ATP9B: variants seen among roughly 807,000 people sequenced by gnomAD.
The protein encoded by ATP9B is ATPase phospholipid transporting 9B.
In ATP9B, 110 loss-of-function variants were observed where a neutral mutation model predicts 146.1. The ratio of observed to expected loss-of-function variants is 0.75; its 90% confidence interval spans 0.65 to 0.88. The LOEUF (loss-of-function observed/expected upper bound fraction) is 0.88, where lower values mean the gene tolerates loss of function less well. Among genes scored for constraint, ATP9B ranks in the 40% least tolerant of loss-of-function variants. ATP9B has a pLI of 0.00. For synonymous variants in ATP9B, 604 were observed against 569.7 expected (o/e 1.06, Z -0.86); for missense variants, 1,499 against 1,496.4 (o/e 1.00, Z -0.03).
chr18:79,245,302 AATG>A (rs1420960668), intron 11 of ATP9B, among the ~76,000 whole-genome samples: 14 of 152,336 alleles, frequency 9.2e-5, no homozygotes, highest in African/African-American at 3.4e-4. Flanking sequence ...CACTTCTATG[AATG>A]ATGTTGCATG....
chr18:79,069,607 G>C, intron 1 of ATP9B, 78 bp downstream of exon 1: 1 of 976,256 alleles, frequency 1.0e-6, no homozygotes, highest in Non-Finnish European at 1.3e-6. Context: ...CCCGGAGCCG[G>C]GCGGGTCTGG....
At chr18:79,374,211 C>A in intron 28 of ATP9B, 110 bp downstream of exon 28, 1 of 1,297,342 alleles carries the variant, frequency 7.7e-7, no homozygotes, top group Non-Finnish European at 1.1e-6. Flanking sequence ...CATGGTAAAA[C>A]CCATATCAGA....
chr18:79,354,236 A>G (rs1474999228), intron 25 of ATP9B: 1 of 152,158 alleles, frequency 6.6e-6, no homozygotes, highest in African/African-American at 2.4e-5. Flanking sequence ...TGAGATAACT[A>G]TGAGAGTGTG....
At chr18:79,162,125 C>G (rs1040084219) in intron 7 of ATP9B, among the ~76,000 whole-genome samples, 1 of 152,124 alleles carries the variant, frequency 6.6e-6, no homozygotes, top group South Asian at 2.1e-4. Context: ...TGATAATACA[C>G]TGTTTATTAT....
intron 18 of ATP9B, 33 bp from the exon 19 acceptor site, chr18:79,337,246 T>C (rs1243605214): frequency 6.2e-7 from 1 of 1,612,706 alleles, no homozygotes; most frequent in South Asian, 1.1e-5. Context: ...CACGTACACG[T>C]GTGCACACAG....
chr18:79,110,565 T>C lies in ATP9B; in HGVS notation c.444+60T>C. ...GTCAGAGATTGCTGGCTTCCTTTGC[T>C]ATAGGATGGAGCCTGTTGAGACTCT... On this transcript the variant is annotated intron_variant, in intron 3 of 29. Coordinates refer to ENST00000426216, the MANE Select transcript of ATP9B (RefSeq NM_198531.5). 4 of 1,518,138 alleles carry C rather than the reference T, an allele frequency of 2.6e-6. No individual in the cohort carries two copies. In the South Asian group the frequency reaches 5.0e-5, roughly 19 times the overall value. 94.0% of individuals were successfully genotyped at this position (1,518,138 alleles called of 1,614,324 possible).
intron 13 of ATP9B, among the ~76,000 whole-genome samples, chr18:79,301,619 A>G (rs1404760794): frequency 1.3e-5 from 2 of 152,350 alleles, no homozygotes; most frequent in Non-Finnish European, 1.5e-5. Context: ...CAAGAGTAGC[A>G]TGACAAAACA....
intron 15 of ATP9B, among the ~76,000 whole-genome samples, chr18:79,323,156 G>T (rs1455156670): frequency 6.7e-6 from 1 of 149,856 alleles, no homozygotes; most frequent in South Asian, 2.1e-4. Flanking sequence ...TCGTTGCTTC[G>T]CGTTAGTAAT....
chr18:79,189,991 G>C (rs1436313456), intron 8 of ATP9B, among the ~76,000 whole-genome samples: 2 of 152,186 alleles, frequency 1.3e-5, no homozygotes, highest in African/African-American at 4.8e-5. Flanking sequence ...CTCACACAGA[G>C]GTCAGTGGTG....
chr18:79,173,299 A>G (rs1238489984), intron 7 of ATP9B, among the ~76,000 whole-genome samples: 1 of 152,206 alleles, frequency 6.6e-6, no homozygotes, highest in Non-Finnish European at 1.5e-5. Flanking sequence ...ATCTTCTGCA[A>G]GGATCTTTAC....
At chr18:79,368,211 A>G (rs1019449779) in intron 26 of ATP9B, among the ~76,000 whole-genome samples, 1 of 152,262 alleles carries the variant, frequency 6.6e-6, no homozygotes, top group Non-Finnish European at 1.5e-5. Context: ...AAACGGAGTC[A>G]GAGCCAAGAA....
At chr18:79,198,305 G>A (rs933894692) in intron 9 of ATP9B, among the ~76,000 whole-genome samples, 4 of 151,990 alleles carry the variant, frequency 2.6e-5, no homozygotes, top group Admixed American at 6.6e-5. Flanking sequence ...TAAAAACACA[G>A]GTAAAAAGTA....
At chr18:79,147,594 T>G (rs1438893281) in intron 6 of ATP9B, among the ~76,000 whole-genome samples, 1 of 152,106 alleles carries the variant, frequency 6.6e-6, no homozygotes, top group Non-Finnish European at 1.5e-5. Flanking sequence ...ATAGGATAGG[T>G]AGTCTCAAGG....
intron 4 of ATP9B, among the ~76,000 whole-genome samples, chr18:79,124,939 A>C (rs1304277542): frequency 6.6e-6 from 1 of 152,066 alleles, no homozygotes; most frequent in African/African-American, 2.4e-5. Flanking sequence ...CTGGATAAAG[A>C]GGGGTGCATG....
intron 11 of ATP9B, among the ~76,000 whole-genome samples, chr18:79,235,270 C>T (rs2095830656): frequency 6.6e-6 from 1 of 152,146 alleles, no homozygotes; most frequent in African/African-American, 2.4e-5. Flanking sequence ...CAGTTTTACT[C>T]CAATTTAATT....
rs114215110 is a variant in ATP9B, at chr18:79,209,100, G to A, written c.1030+2088G>A. 5.4e-3 allele frequency among the ~76,000 whole-genome samples: 817 copies of A among 152,304 alleles called. 10 individuals carry two copies. Among genetic ancestry groups the A allele is most frequent in the African/African-American group, 0.019 (779 of 41,570 alleles). On this transcript the variant is annotated intron_variant, in intron 10 of 29. Transcript: ENST00000426216. ...GGCCTCACGCTGAATGGCTGCACTC[G>A]GGAGGTGTGTTCCCCCTGCCAGTTA...
At chr18:79,302,303 T>G (rs914784516) in intron 13 of ATP9B, among the ~76,000 whole-genome samples, 7 of 151,940 alleles carry the variant, frequency 4.6e-5, no homozygotes, top group Admixed American at 6.6e-5. Context: ...GGGGACAAGG[T>G]GAAAGCAGCA....
At chr18:79,349,747 T>A in intron 25 of ATP9B, among the ~76,000 whole-genome samples, 1 of 152,164 alleles carries the variant, frequency 6.6e-6, no homozygotes, top group Admixed American at 6.5e-5. Flanking sequence ...CCAAGGAGCA[T>A]GCACAGAGCT....
At chr18:79,138,974 G>T (rs760768985) in intron 5 of ATP9B, among the ~76,000 whole-genome samples, 2 of 152,068 alleles carry the variant, frequency 1.3e-5, no homozygotes, top group Non-Finnish European at 2.9e-5. Context: ...AGGCTGAGGT[G>T]GGGGGATCAC....
Sources: gnomAD v4.1 joint callset for allele counts (sites outside exome capture counted in the v4.1 genomes callset) on GRCh38, gnomAD v4.1.1 for gene constraint, MANE v1.5 for transcripts, NCBI Gene and HGNC (gene_info 2026-07-23, HGNC 2026-07-21) for gene names.